CAMTA1: variants seen among roughly 807,000 people sequenced by gnomAD.
CAMTA1 encodes calmodulin-binding transcription activator 1.
A neutral mutation model predicts 170.9 loss-of-function variants in CAMTA1; 27 were observed. The ratio of observed to expected loss-of-function variants is 0.16; its 90% CI spans 0.12 to 0.22. The LOEUF is 0.22. Ranked by LOEUF, CAMTA1 falls within the 10% of genes least tolerant of loss-of-function variation. The probability of loss-of-function intolerance (pLI) is 1.00; values close to 1 mark genes in which losing one functional copy is unlikely to be tolerated. For missense variants in CAMTA1, 1,619 were observed against 2,217.2 expected (o/e 0.73, Z 5.42); for synonymous variants, 833 against 891.5 (o/e 0.93, Z 1.17).
intron 1 of CAMTA1, among the ~76,000 whole-genome samples, chr1:6,785,905 G>T (rs1353626638): frequency 6.7e-6 from 1 of 148,820 alleles, no homozygotes; most frequent in Middle Eastern, 3.2e-3. Flanking sequence ...TCCCCCACCC[G>T]GACCGGGCAT....
At chr1:7,584,975 C>T (rs903979757) in intron 6 of CAMTA1, among the ~76,000 whole-genome samples, 4 of 152,232 alleles carry the variant, frequency 2.6e-5, no homozygotes, top group Non-Finnish European at 5.9e-5. Context: ...ATTTTAGAAA[C>T]AGAATATGGT....
intron 6 of CAMTA1, among the ~76,000 whole-genome samples, chr1:7,596,522 C>A (rs761626828): frequency 2.6e-5 from 4 of 152,226 alleles, no homozygotes; most frequent in Non-Finnish European, 5.9e-5. Flanking sequence ...CATGGCCACT[C>A]ACAGCCCTGT....
chr1:7,276,303 A>ATATATATTTT lies in CAMTA1; in HGVS notation c.438+26678_438+26679insATATATTTTT. 8.2e-3 allele frequency among the ~76,000 whole-genome samples: 198 copies of ATATATATTTT among 24,178 alleles called. 2 individuals are homozygous for ATATATATTTT. The highest frequency in any genetic ancestry group is 8.5e-3 in the Non-Finnish European group (140 of 16,488). The allele number at this position is 24,178 out of a possible 152,430, so 15.9% of individuals were successfully genotyped here. A position where few individuals can be genotyped will look rare whatever the true frequency, so the allele number is the denominator to read the frequency against. ...CATATATATATATATATATATATATATTTTTTTTTTTTTTTTTTCTTTTTG... is the reference window on the plus strand; with the variant it reads ...CATATATATATATATATATATATATATATATATTTTTTTTTTTTTTTTTTTTTTCTTTTTG... On this transcript the variant is annotated intron_variant, in intron 5 of 22. Coordinates refer to ENST00000303635, the MANE Select transcript of CAMTA1 (RefSeq NM_015215.4).
At chr1:6,808,286 G>A (rs1474682396) in intron 1 of CAMTA1, among the ~76,000 whole-genome samples, 1 of 152,006 alleles carries the variant, frequency 6.6e-6, no homozygotes, top group African/African-American at 2.4e-5. Context: ...CCTGAAACAG[G>A]TGCTAATAAG....
chr1:7,683,323 A>C (rs950912619), intron 11 of CAMTA1, among the ~76,000 whole-genome samples: 3 of 152,152 alleles, frequency 2.0e-5, no homozygotes, highest in African/African-American at 7.2e-5. Flanking sequence ...TACTAAAACC[A>C]ATACAGTTTG....
intron 6 of CAMTA1, among the ~76,000 whole-genome samples, chr1:7,528,321 T>C (rs535085767): frequency 1.3e-5 from 2 of 152,282 alleles, no homozygotes; most frequent in South Asian, 4.1e-4. Context: ...TAGCAATCCA[T>C]GTTCATTGAT....
chr1:7,150,495 C>T (rs1324768995), intron 4 of CAMTA1, among the ~76,000 whole-genome samples: 1 of 152,080 alleles, frequency 6.6e-6, no homozygotes, highest in Non-Finnish European at 1.5e-5. Context: ...ACATTCCAGG[C>T]TGGATAATTC....
At chr1:6,913,291 T>C (rs1349460500) in intron 3 of CAMTA1, among the ~76,000 whole-genome samples, 1 of 152,180 alleles carries the variant, frequency 6.6e-6, no homozygotes, top group Non-Finnish European at 1.5e-5. Flanking sequence ...CCGCTTGCTC[T>C]GACCCAGTGT....
chr1:7,238,608 G>C (rs1166578649), intron 4 of CAMTA1, among the ~76,000 whole-genome samples: 5 of 152,252 alleles, frequency 3.3e-5, no homozygotes, highest in Non-Finnish European at 7.3e-5. Flanking sequence ...GCAGGGCCAG[G>C]TGTGGTGGTT....
intron 3 of CAMTA1, among the ~76,000 whole-genome samples, chr1:6,942,824 G>C (rs1277611282): frequency 6.6e-6 from 1 of 152,210 alleles, no homozygotes; most frequent in African/African-American, 2.4e-5. Context: ...GTGGCCAGCT[G>C]TGATGGGCAG....
chr1:7,589,882 G>A (rs1047988955), intron 6 of CAMTA1, among the ~76,000 whole-genome samples: 6 of 152,104 alleles, frequency 3.9e-5, no homozygotes, highest in Non-Finnish European at 7.4e-5. Flanking sequence ...CTCAAACCCC[G>A]GCTGCCCTTC....
At chr1:6,851,494 G>C (rs1271576424) in intron 3 of CAMTA1, among the ~76,000 whole-genome samples, 1 of 152,196 alleles carries the variant, frequency 6.6e-6, no homozygotes, top group East Asian at 1.9e-4. Flanking sequence ...TTGGAGTGAT[G>C]ATAGCTGAGA....
intron 3 of CAMTA1, among the ~76,000 whole-genome samples, chr1:7,087,061 A>T (rs770227366): frequency 1.3e-5 from 2 of 152,214 alleles, no homozygotes; most frequent in Non-Finnish European, 2.9e-5. Context: ...GAGCTTGGAC[A>T]AGTGCTTTTC....
chr1:7,166,139 T>C (rs1648372751), intron 4 of CAMTA1, among the ~76,000 whole-genome samples: 1 of 151,982 alleles, frequency 6.6e-6, no homozygotes. Flanking sequence ...TGATCTCGGC[T>C]CACTGCAAGC....
chr1:7,652,447 C>T (rs1265133472), intron 7 of CAMTA1, among the ~76,000 whole-genome samples: 1 of 152,218 alleles, frequency 6.6e-6, no homozygotes, highest in African/African-American at 2.4e-5. Context: ...GACAGCTGAC[C>T]TGACCCCGAA....
chr1:7,001,629 C>T (rs138963197), intron 3 of CAMTA1, among the ~76,000 whole-genome samples: 5 of 152,284 alleles, frequency 3.3e-5, no homozygotes, highest in South Asian at 2.1e-4. Flanking sequence ...GCACATGTCC[C>T]GGATTTCACG....
chr1:7,044,084 G>A lies in CAMTA1; in HGVS notation c.235-47220G>A, dbSNP rs1704952138. ...AGGTCAGGAGCAGTGATCTACGGGA[G>A]ATGCTGCCGCCATCCCCTTCAGTGG... On this transcript the variant is annotated intron_variant, in intron 3 of 22. Coordinates refer to ENST00000303635, the MANE Select transcript of CAMTA1 (RefSeq NM_015215.4). The surrounding 1 kb of genome is among the most constrained non-coding windows in gnomAD (Gnocchi z 5.0). Among the ~76,000 whole-genome samples the A allele has an allele frequency of 6.6e-6, 1 of 152,246 alleles. No homozygotes were observed. The highest frequency in any genetic ancestry group is 2.4e-5 in the African/African-American group (1 of 41,470).
Position 7,166,159 on chromosome 1 carries a change from T to C in CAMTA1, c.302+74788T>C, listed in dbSNP as rs927224518. Among the ~76,000 whole-genome samples the C allele has an allele frequency of 7.8e-4, 119 of 152,058 alleles. 1 individual carries two copies. Among genetic ancestry groups the C allele is most frequent in the African/African-American group, 2.8e-3 (116 of 41,474 alleles). ...TCGGCTCACTGCAAGCTCCTCCTCC[T>C]GGGTTCAGGCCATTCTCCTGCCTCA... On this transcript the variant is annotated intron_variant, in intron 4 of 22. Transcript: ENST00000303635.
intron 3 of CAMTA1, among the ~76,000 whole-genome samples, chr1:6,869,045 C>A (rs1667605872): frequency 6.6e-6 from 1 of 152,168 alleles, no homozygotes; most frequent in East Asian, 1.9e-4. Context: ...TTAAAAATAC[C>A]TGGTAGTTCT....
Sources: allele counts gnomAD v4.1 joint callset (sites outside exome capture counted in the v4.1 genomes callset), GRCh38; gene constraint gnomAD v4.1.1; non-coding constraint Gnocchi (gnomAD v3.1); transcripts MANE v1.5; gene names NCBI Gene and HGNC (gene_info 2026-07-23, HGNC 2026-07-21).